FNDC4: variants seen among roughly 807,000 people sequenced by gnomAD.
FNDC4 encodes fibronectin type III domain containing 4.
Under a neutral mutation model 25.1 loss-of-function variants are expected in FNDC4, and 11 were observed. The ratio of observed to expected loss-of-function variants is 0.44; its 90% confidence interval spans 0.28 to 0.73. The LOEUF (loss-of-function observed/expected upper bound fraction) is 0.73. Among genes scored for constraint, FNDC4 ranks in the 30% least tolerant of loss-of-function variants. The pLI, the probability that FNDC4 is intolerant of heterozygous loss-of-function variation, is 0.16. For synonymous variants in FNDC4, 136 were observed against 118.8 expected, an observed-to-expected ratio of 1.14 and a Z score of -0.94; for missense variants, 250 against 304.3, an observed-to-expected ratio of 0.82 and a Z score of 1.33.
chr2:27,492,418 C>T lies in FNDC4; in HGVS notation c.*25G>A, dbSNP rs201907924. On this transcript the variant is annotated 3_prime_UTR_variant, in exon 7 of 7. Transcript: ENST00000264703. The surrounding 1 kb of genome is among the most constrained non-coding windows in gnomAD (Gnocchi z 4.1). ...TCCCTATCCCCAGTTGTTAGTGCAT[C>T]TCTCTTCTGGGTGTGTTTCTTCACT... 2.4e-5 allele frequency: 38 copies of T among 1,613,948 alleles called. No homozygotes were observed. Among genetic ancestry groups the T allele is most frequent in the Non-Finnish European group, 3.0e-5 (35 of 1,179,960 alleles).
At position 27,492,229 on chromosome 2, in the gene FNDC4, CT is replaced by C. The variant is rs1284664847; in HGVS notation, c.*213del. 3 of 614,526 alleles carry C rather than the reference CT, an allele frequency of 4.9e-6. No homozygotes were observed. In the African/African-American group the frequency reaches 5.5e-5, roughly 11 times the overall value. The allele number at this position is 614,526 out of a possible 1,614,324, so 38.1% of individuals were successfully genotyped here. ...CGGGGAATGGAAGGAGATATCCCATCTGATATCCACTCCCCAGGTCCAGGGG... is the reference window on the plus strand; with the variant it reads ...CGGGGAATGGAAGGAGATATCCCATCGATATCCACTCCCCAGGTCCAGGGG... On this transcript the variant is annotated 3_prime_UTR_variant, in exon 7 of 7. Coordinates refer to ENST00000264703, the MANE Select transcript of FNDC4 (RefSeq NM_022823.3). The surrounding 1 kb of genome is among the most constrained non-coding windows in gnomAD (Gnocchi z 4.1).
intron 5 of FNDC4, 31 bp downstream of exon 5, chr2:27,493,358 T>A: frequency 6.4e-7 from 1 of 1,564,288 alleles, no homozygotes; most frequent in African/African-American, 1.4e-5. Context: ...CTTTACTGAG[T>A]CCCTGGTCCC....
chr2:27,494,580 G>C lies in FNDC4; in HGVS notation c.100C>G (p.Leu34Val). The change falls in exon 2 of 7, where the codon CTG becomes GTG. Residue 34 changes from leucine (L) to valine (V), a missense_variant. By Grantham distance (32) the Leu-to-Val change is conservative. Coordinates refer to ENST00000264703, the MANE Select transcript of FNDC4 (RefSeq NM_022823.3). The surrounding 1 kb of genome is among the most constrained non-coding windows in gnomAD (Gnocchi z 4.6). ...ACGAAGCCCAGGTCACAGCTGACCA[G>C]CAGGAGGACCGTGGGGCTTAGATAT... ...SPYLSPTVLL[L>V]VSCDLGFVRA... 10 of 1,612,916 alleles carry C rather than the reference G, an allele frequency of 6.2e-6. No individual in the cohort carries two copies. The highest frequency in any genetic ancestry group is 8.5e-6 in the Non-Finnish European group (10 of 1,179,496).
chr2:27,492,625 G>C lies in FNDC4; in HGVS notation c.669+41C>G. ...TTCCTTTCCCTGGCTGCCCCTCAGG[G>C]GCAGAATCACCCTTTCCGCCCTCAC... On this transcript the variant is annotated intron_variant, in intron 6 of 6. Coordinates refer to ENST00000264703, the MANE Select transcript of FNDC4 (RefSeq NM_022823.3). The surrounding 1 kb of genome is among the most constrained non-coding windows in gnomAD (Gnocchi z 4.1). 6.2e-7 allele frequency: 1 copy of C among 1,613,244 alleles called. No individual in the cohort carries two copies. Among genetic ancestry groups the C allele is most frequent in the East Asian group, 2.2e-5 (1 of 44,854 alleles).
At chr2:27,493,348 CT>C (rs1669304504) in intron 5 of FNDC4, 40 bp downstream of exon 5, 2 of 1,525,076 alleles carry the variant, frequency 1.3e-6, no homozygotes, top group Non-Finnish European at 1.8e-6. Flanking sequence ...CACCTCACAC[CT>C]TTACTGAGTC....
At position 27,494,807 on chromosome 2, in the gene FNDC4, T is replaced by C; in HGVS notation, c.-25+71A>G. 1.7e-6 allele frequency: 1 copy of C among 601,810 alleles called. No homozygotes were observed. Among genetic ancestry groups the C allele is most frequent in the East Asian group, 2.8e-5 (1 of 35,458 alleles). 37.3% of individuals were successfully genotyped at this position (601,810 alleles called of 1,614,324 possible). ...TCCCCACAGCTCACAACAGCCCTAT[T>C]TTCTCTACGCCCTCCCGCCCCCGCA... On this transcript the variant is annotated intron_variant, in intron 1 of 6. Coordinates refer to ENST00000264703, the MANE Select transcript of FNDC4 (RefSeq NM_022823.3). The surrounding 1 kb of genome is among the most constrained non-coding windows in gnomAD (Gnocchi z 4.6).
In FNDC4 at chr2:27,492,909, CCT is replaced by C; in HGVS notation, c.545-121_545-120del. On this transcript the variant is annotated intron_variant, in intron 5 of 6. Transcript: ENST00000264703. The surrounding 1 kb of genome is among the most constrained non-coding windows in gnomAD (Gnocchi z 4.1). ...GAATTCCTGGTGCCCATGCAGTCCT[CCT>C]CTCTGGGCTCTCAACAGCCTCCTCT... The C allele has an allele frequency of 9.0e-7, 1 of 1,116,002 alleles. No individual in the cohort carries two copies. Among genetic ancestry groups the C allele is most frequent in the East Asian group, 2.4e-5 (1 of 41,724 alleles). The allele number at this position is 1,116,002 out of a possible 1,614,324, so 69.1% of individuals were successfully genotyped here.
At position 27,494,330 on chromosome 2, in the gene FNDC4, G is replaced by A. The variant is rs370090580; in HGVS notation, c.249+21C>T. The A allele has an allele frequency of 4.4e-6, 7 of 1,582,716 alleles. No individual in the cohort carries two copies. The South Asian group carries it at 4.4e-5, about 10-fold the overall frequency. On this transcript the variant is annotated intron_variant, in intron 3 of 6. Coordinates refer to ENST00000264703, the MANE Select transcript of FNDC4 (RefSeq NM_022823.3). This position sits in a 1 kb window ranked among gnomAD's most constrained non-coding sequence, Gnocchi z 4.6. ...CGAAATCCAAGGACACAGGTTGGGG[G>A]AGCAGAAGGGTGATTCATACTTGCT...
At chr2:27,493,230 TC>T (rs1465657263) in intron 5 of FNDC4, among the ~76,000 whole-genome samples, 158 bp downstream of exon 5, 2 of 152,166 alleles carry the variant, frequency 1.3e-5, no homozygotes, top group African/African-American at 4.8e-5. Flanking sequence ...CAGGCTGGTC[TC>T]AAACTCCTGA....
In FNDC4 at chr2:27,492,463, T is replaced by C. The variant is rs149595671; in HGVS notation, c.685A>G (p.Ile229Val). The C allele has an allele frequency of 3.1e-6, 5 of 1,614,044 alleles. No homozygotes were observed. The African/African-American group carries it at 4.0e-5, about 13-fold the overall frequency. ...TTCACTCAAACGTCGATGGTGTTGA[T>C]AGATGGTGACTTTTTCTGTGAAAGA... ...VGTRQKKSPSINTIDV is the reference protein window; with the variant it reads ...VGTRQKKSPSVNTIDV Residue 229 changes from isoleucine to valine, a missense_variant, in exon 7 of 7, where the codon ATC (isoleucine) becomes GTC (valine). Ile to Val is a conservative substitution (Grantham distance 29). Coordinates refer to ENST00000264703, the MANE Select transcript of FNDC4 (RefSeq NM_022823.3). The surrounding 1 kb of genome is among the most constrained non-coding windows in gnomAD (Gnocchi z 4.1).
In FNDC4 at chr2:27,494,743, A is replaced by C; in HGVS notation, c.-24-40T>G. 3 of 1,258,120 alleles carry C rather than the reference A, an allele frequency of 2.4e-6. No individual in the cohort carries two copies. Among genetic ancestry groups the C allele is most frequent in the Non-Finnish European group, 3.2e-6 (3 of 928,614 alleles). 77.9% of individuals were successfully genotyped at this position (1,258,120 alleles called of 1,614,324 possible). A position where few individuals can be genotyped will look rare whatever the true frequency, so the allele number is the denominator to read the frequency against. On this transcript the variant is annotated intron_variant, in intron 1 of 6. Coordinates refer to ENST00000264703, the MANE Select transcript of FNDC4 (RefSeq NM_022823.3). This position sits in a 1 kb window ranked among gnomAD's most constrained non-coding sequence, Gnocchi z 4.6. The stretch of plus-strand genomic sequence containing the variant: ...AGTTGTGGGGGGTCAAGGACTGCCC[A>C]GAACGCACGGAGGTCGGGGGGCAGC...
Position 27,494,472 on chromosome 2 carries a change from G to A in FNDC4, c.134-6C>T, listed in dbSNP as rs1404186083. Reference sequence around the variant, plus strand: ...CACAGGAGAGGGAGGCCGGTCTGCGGGAGCCAGGGTGTTTAACAGGTTTCA... The same window carrying A: ...CACAGGAGAGGGAGGCCGGTCTGCGAGAGCCAGGGTGTTTAACAGGTTTCA... On this transcript the variant is annotated splice_region_variant and splice_polypyrimidine_tract_variant and intron_variant, in intron 2 of 6. Transcript: ENST00000264703. This position sits in a 1 kb window ranked among gnomAD's most constrained non-coding sequence, Gnocchi z 4.6. The A allele has an allele frequency of 6.2e-7, 1 of 1,614,032 alleles. No individual in the cohort carries two copies. Among genetic ancestry groups the A allele is most frequent in the African/African-American group, 1.3e-5 (1 of 75,056 alleles).
At position 27,494,762 on chromosome 2, in the gene FNDC4, G is replaced by A. The variant is rs575715472; in HGVS notation, c.-24-59C>T. 3.3e-5 allele frequency: 25 copies of A among 766,060 alleles called. No individual in the cohort carries two copies. The South Asian group carries it at 4.0e-4, about 12-fold the overall frequency. The allele number at this position is 766,060 out of a possible 1,614,324, so 47.5% of individuals were successfully genotyped here. On this transcript the variant is annotated intron_variant, in intron 1 of 6. Coordinates refer to ENST00000264703, the MANE Select transcript of FNDC4 (RefSeq NM_022823.3). This position sits in a 1 kb window ranked among gnomAD's most constrained non-coding sequence, Gnocchi z 4.6. ...CTGCCCAGAACGCACGGAGGTCGGG[G>A]GGCAGCAGCTCTCCTGGGCTCCCCA...
chr2:27,493,314 TC>T, intron 5 of FNDC4, 74 bp downstream of exon 5: 1 of 1,245,910 alleles, frequency 8.0e-7, no homozygotes, highest in Non-Finnish European at 1.2e-6. Context: ...ATCTCTCACT[TC>T]TTTTTCTCCT....
Position 27,492,550 on chromosome 2 carries a change from C to T in FNDC4, c.670-72G>A. On this transcript the variant is annotated intron_variant, in intron 6 of 6. Coordinates refer to ENST00000264703, the MANE Select transcript of FNDC4 (RefSeq NM_022823.3). The surrounding 1 kb of genome is among the most constrained non-coding windows in gnomAD (Gnocchi z 4.1). ...TGCCACCCTTTCTCTCCAGCCTCCC[C>T]CATCCCAGATCTTCCATTCTCCATC... 1 of 1,588,654 alleles carries T rather than the reference C, an allele frequency of 6.3e-7. No homozygotes were observed. Among genetic ancestry groups the T allele is most frequent in the Non-Finnish European group, 8.6e-7 (1 of 1,156,808 alleles).
Position 27,494,866 on chromosome 2 carries a change from G to A in FNDC4, c.-25+12C>T. On this transcript the variant is annotated intron_variant, in intron 1 of 6. Coordinates refer to ENST00000264703, the MANE Select transcript of FNDC4 (RefSeq NM_022823.3). This position sits in a 1 kb window ranked among gnomAD's most constrained non-coding sequence, Gnocchi z 4.6. Reference sequence around the variant, plus strand: ...GCGGCCCCAGAGTGCGGTCCGCCCTGCCCACACCCACCTCCGCCGGTCCTC... The same window carrying A: ...GCGGCCCCAGAGTGCGGTCCGCCCTACCCACACCCACCTCCGCCGGTCCTC... 1 of 541,526 alleles carries A rather than the reference G, an allele frequency of 1.8e-6. No homozygotes were observed. The allele number at this position is 541,526 out of a possible 1,614,324, so 33.5% of individuals were successfully genotyped here.
rs1204463718 is a variant in FNDC4 at position 27,494,082 on chromosome 2, C to T, written c.302G>A (p.Arg101Gln). 26 of 1,614,080 alleles carry T rather than the reference C, an allele frequency of 1.6e-5. No homozygotes were observed. The highest frequency in any genetic ancestry group is 1.1e-5 in the South Asian group (1 of 91,088). Residue 101 changes from arginine to glutamine, a missense_variant, in exon 4 of 7, where the codon CGG becomes CAG. Transcript: ENST00000264703. The surrounding 1 kb of genome is among the most constrained non-coding windows in gnomAD (Gnocchi z 4.6). Reference protein sequence around the residue: ...RVIREVNTTTRACALWGLAED... With the variant: ...RVIREVNTTTQACALWGLAED... ...AGCCAGGCCCCAGAGGGCACAGGCCCGGGTGGTGGTGTTCACCTCCCGAAT... is the reference window on the plus strand; with the variant it reads ...AGCCAGGCCCCAGAGGGCACAGGCCTGGGTGGTGGTGTTCACCTCCCGAAT...
At chr2:27,493,301 T>C in intron 5 of FNDC4, 88 bp downstream of exon 5, 1 of 1,074,426 alleles carries the variant, frequency 9.3e-7, no homozygotes, top group Non-Finnish European at 1.4e-6. Flanking sequence ...CGTGAGCCAC[T>C]GTATCTCTCA....
Position 27,492,922 on chromosome 2 carries a change from T to A in FNDC4, c.545-132A>T. On this transcript the variant is annotated intron_variant, in intron 5 of 6. Coordinates refer to ENST00000264703, the MANE Select transcript of FNDC4 (RefSeq NM_022823.3). The surrounding 1 kb of genome is among the most constrained non-coding windows in gnomAD (Gnocchi z 4.1). ...CCATGCAGTCCTCCTCTCTGGGCTC[T>A]CAACAGCCTCCTCTCCCTCTCTTCA... The A allele has an allele frequency of 1.1e-6, 1 of 892,648 alleles. No individual in the cohort carries two copies. The highest frequency in any genetic ancestry group is 1.8e-6 in the Non-Finnish European group (1 of 569,212). 55.3% of individuals were successfully genotyped at this position (892,648 alleles called of 1,614,324 possible). A position where few individuals can be genotyped will look rare whatever the true frequency, so the allele number is the denominator to read the frequency against.
Sources: gnomAD v4.1 joint callset for allele counts (sites outside exome capture counted in the v4.1 genomes callset) on GRCh38, gnomAD v4.1.1 for gene constraint, Gnocchi (gnomAD v3.1) non-coding constraint, MANE v1.5 for transcripts, NCBI Gene and HGNC (gene_info 2026-07-23, HGNC 2026-07-21) for gene names.